NDUFS4: variants seen among roughly 807,000 people sequenced by gnomAD.
The protein encoded by NDUFS4 is NADH dehydrogenase [ubiquinone] iron-sulfur protein 4, mitochondrial.
A neutral mutation model predicts 24.3 loss-of-function variants in NDUFS4; 28 were observed. The ratio of observed to expected loss-of-function variants is 1.15; its 90% CI spans 0.85 to 1.58. The LOEUF (loss-of-function observed/expected upper bound fraction) is 1.58. Among genes scored for constraint, NDUFS4 ranks in the 40% most tolerant of loss-of-function variants. The probability of loss-of-function intolerance (pLI) is 0.00; values close to 1 mark genes in which losing one functional copy is unlikely to be tolerated. For synonymous variants in NDUFS4, 93 were observed against 69.7 expected, an observed-to-expected ratio of 1.34 and a Z score of -1.67; for missense variants, 223 against 207.9, an observed-to-expected ratio of 1.07 and a Z score of -0.45.
chr5:53,562,978 C>T (rs1217579365), intron 1 of NDUFS4, among the ~76,000 whole-genome samples: 1 of 151,926 alleles, frequency 6.6e-6, no homozygotes, highest in African/African-American at 2.4e-5. Flanking sequence ...ACCTGTAATC[C>T]CAGCACTTTG....
intron 3 of NDUFS4, among the ~76,000 whole-genome samples, chr5:53,647,899 G>C (rs1040649777): frequency 3.9e-5 from 6 of 151,928 alleles, no homozygotes; most frequent in Non-Finnish European, 5.9e-5. Context: ...ATGATATATA[G>C]GCACAATTTC....
intron 1 of NDUFS4, among the ~76,000 whole-genome samples, chr5:53,593,581 G>A (rs1206163971): frequency 6.8e-6 from 1 of 147,778 alleles, no homozygotes; most frequent in East Asian, 2.0e-4. Flanking sequence ...TCTTCTTCTT[G>A]CCTTAGGTTT....
chr5:53,637,228 C>T (rs1439408179), intron 2 of NDUFS4, among the ~76,000 whole-genome samples: 1 of 152,082 alleles, frequency 6.6e-6, no homozygotes, highest in Non-Finnish European at 1.5e-5. Context: ...CCTGAGGTTC[C>T]TAGGCCTTCC....
At chr5:53,652,720 T>C (rs904754467) in intron 3 of NDUFS4, among the ~76,000 whole-genome samples, 1 of 152,186 alleles carries the variant, frequency 6.6e-6, no homozygotes, top group African/African-American at 2.4e-5. Context: ...TCTTATGCTC[T>C]TTTAATTACC....
chr5:53,655,331 G>A (rs925346587), intron 3 of NDUFS4, among the ~76,000 whole-genome samples: 2 of 149,324 alleles, frequency 1.3e-5, no homozygotes, highest in African/African-American at 2.5e-5. Context: ...GGTAACCACC[G>A]TTCTGACTTC....
At chr5:53,593,720 G>A (rs1444349113) in intron 1 of NDUFS4, among the ~76,000 whole-genome samples, 1 of 151,110 alleles carries the variant, frequency 6.6e-6, no homozygotes, top group African/African-American at 2.4e-5. Flanking sequence ...TGTTTTTGGT[G>A]CATCCCACAA....
chr5:53,648,416 T>C (rs73121112), intron 3 of NDUFS4, among the ~76,000 whole-genome samples: 8 of 152,340 alleles, frequency 5.3e-5, no homozygotes, highest in African/African-American at 1.9e-4. Flanking sequence ...CTTTTTCATA[T>C]GTAAGATAAT....
At chr5:53,560,885 A>T in intron 1 of NDUFS4, 125 bp downstream of exon 1, 1 of 1,548,324 alleles carries the variant, frequency 6.5e-7, no homozygotes, top group Non-Finnish European at 8.7e-7. Flanking sequence ...TTCTCGGGAG[A>T]AGTCGGGCGG....
intron 1 of NDUFS4, among the ~76,000 whole-genome samples, chr5:53,571,132 A>G (rs1350841110): frequency 1.3e-5 from 2 of 152,204 alleles, no homozygotes; most frequent in African/African-American, 2.4e-5. Flanking sequence ...ATATATTCCC[A>G]GAATTGTACA....
At chr5:53,606,850 T>C (rs1290754855) in intron 2 of NDUFS4, among the ~76,000 whole-genome samples, 1 of 152,212 alleles carries the variant, frequency 6.6e-6, no homozygotes. Context: ...TCAAGTCTTA[T>C]ATCAAATGGC....
intron 1 of NDUFS4, among the ~76,000 whole-genome samples, chr5:53,571,708 A>G (rs955150283): frequency 2.6e-5 from 4 of 152,084 alleles, no homozygotes; most frequent in Non-Finnish European, 5.9e-5. Flanking sequence ...TATCTTTTTG[A>G]AGTTATAACT....
At position 53,598,520 on chromosome 5, in the gene NDUFS4, T is replaced by C. The variant is rs184600525; in HGVS notation, c.99-4932T>C. Among the ~76,000 whole-genome samples, 563 of 152,068 alleles carry C rather than the reference T, an allele frequency of 3.7e-3. 13 individuals are homozygous for C. The highest frequency in any genetic ancestry group is 0.036 in the Admixed American group (543 of 15,272). ...ATAGACTGTCATCACTAGAAGAAAC[T>C]TTAGAGCAACAAGTTCCTCATTTTA... On this transcript the variant is annotated intron_variant, in intron 1 of 4. Transcript: ENST00000296684.
At chr5:53,591,471 G>GGC (rs1561347993) in intron 1 of NDUFS4, among the ~76,000 whole-genome samples, 1 of 128,116 alleles carries the variant, frequency 7.8e-6, no homozygotes, top group Non-Finnish European at 1.7e-5. Flanking sequence ...TGGGGGGGGG[G>GGC]GGTGATAATA....
intron 2 of NDUFS4, among the ~76,000 whole-genome samples, chr5:53,645,321 A>G (rs879619979): frequency 6.6e-6 from 1 of 152,138 alleles, no homozygotes; most frequent in Admixed American, 6.6e-5. Context: ...AATTTTTGCA[A>G]TCAGACCTTG....
chr5:53,682,520 A>C (rs1290210084), intron 4 of NDUFS4, among the ~76,000 whole-genome samples: 1 of 96,708 alleles, frequency 1.0e-5, no homozygotes, highest in Non-Finnish European at 2.0e-5. Flanking sequence ...CAATTAGTGC[A>C]GATAGATAGC....
chr5:53,599,808 T>C (rs1037154775), intron 1 of NDUFS4, among the ~76,000 whole-genome samples: 1 of 152,070 alleles, frequency 6.6e-6, no homozygotes, highest in East Asian at 1.9e-4. Flanking sequence ...CCTTTATGCT[T>C]TCTAGGCTTT....
chr5:53,668,781 C>T (rs1005283471), intron 4 of NDUFS4, among the ~76,000 whole-genome samples: 1 of 151,862 alleles, frequency 6.6e-6, no homozygotes, highest in Non-Finnish European at 1.5e-5. Context: ...TATTTAATGC[C>T]CTCTAATTAT....
chr5:53,572,773 T>C (rs1749253701), intron 1 of NDUFS4, among the ~76,000 whole-genome samples: 2 of 151,754 alleles, frequency 1.3e-5, no homozygotes, highest in South Asian at 4.2e-4. Flanking sequence ...GCCTCCCAAG[T>C]AGCTGGGATT....
intron 4 of NDUFS4, among the ~76,000 whole-genome samples, chr5:53,681,391 G>GT (rs1740659803): frequency 6.6e-6 from 1 of 151,890 alleles, no homozygotes; most frequent in Non-Finnish European, 1.5e-5. Flanking sequence ...TTAAGTCAGG[G>GT]TGCTTTCTAA....
Sources: gnomAD v4.1 joint callset for allele counts (sites outside exome capture counted in the v4.1 genomes callset) on GRCh38, gnomAD v4.1.1 for gene constraint, MANE v1.5 for transcripts, NCBI Gene and HGNC (gene_info 2026-07-23, HGNC 2026-07-21) for gene names.